The following RAD51B variants were observed in gnomAD, a reference collection of about 807,000 sequenced individuals.
RAD51B encodes the protein DNA repair protein RAD51 homolog 2.
A neutral mutation model predicts 42.2 loss-of-function variants in RAD51B; 38 were observed. That is an observed-to-expected ratio of 0.90 (90% CI 0.70 to 1.18). The LOEUF (loss-of-function observed/expected upper bound fraction) is 1.18. Among genes scored for constraint, RAD51B ranks in the 50% most tolerant of loss-of-function variants. The probability of loss-of-function intolerance (pLI) is 0.00; values close to 1 mark genes in which losing one functional copy is unlikely to be tolerated. For missense variants in RAD51B, 373 were observed against 400.7 expected, an observed-to-expected ratio of 0.93 and a Z score of 0.59; for synonymous variants, 154 against 145.2, an observed-to-expected ratio of 1.06 and a Z score of -0.43.
chr14:68,318,379 A>G (rs1337154797), intron 8 of RAD51B, among the ~76,000 whole-genome samples: 2 of 152,202 alleles, frequency 1.3e-5, no homozygotes, highest in Non-Finnish European at 2.9e-5. Context: ...GGAAATGAAT[A>G]GGAGGTCTGA....
At chr14:68,561,290 T>C (rs1260075343) in intron 10 of RAD51B, among the ~76,000 whole-genome samples, 1 of 152,204 alleles carries the variant, frequency 6.6e-6, no homozygotes, top group Non-Finnish European at 1.5e-5. Flanking sequence ...GGGGGCTTAT[T>C]AAAAATATCG....
chr14:68,608,367 A>C (rs1310751072), intron 10 of RAD51B, among the ~76,000 whole-genome samples: 1 of 151,958 alleles, frequency 6.6e-6, no homozygotes, highest in Non-Finnish European at 1.5e-5. Context: ...CCCCACCACC[A>C]CCCCGAGTCC....
intron 4 of RAD51B, among the ~76,000 whole-genome samples, chr14:67,858,452 T>C (rs1313571478): frequency 6.6e-6 from 1 of 152,222 alleles, no homozygotes; most frequent in Non-Finnish European, 1.5e-5. Context: ...CTCCCTTAAA[T>C]TCCGGCTGTC....
At chr14:68,073,866 GCT>G (rs2076792037) in intron 7 of RAD51B, among the ~76,000 whole-genome samples, 2 of 152,094 alleles carry the variant, frequency 1.3e-5, no homozygotes, top group Non-Finnish European at 2.9e-5. Context: ...TACTCTTCTG[GCT>G]TGTAGGGTTT....
chr14:68,056,558 G>A (rs1462066330), intron 7 of RAD51B, among the ~76,000 whole-genome samples: 1 of 151,754 alleles, frequency 6.6e-6, no homozygotes, highest in African/African-American at 2.4e-5. Context: ...AGACCAACCT[G>A]GGCAACACGG....
At chr14:68,089,392 G>A (rs996189117) in intron 7 of RAD51B, among the ~76,000 whole-genome samples, 2 of 152,050 alleles carry the variant, frequency 1.3e-5, no homozygotes, top group African/African-American at 2.4e-5. Context: ...GACCCAGCTC[G>A]GAGTCCTTTT....
At chr14:68,572,864 A>G (rs1594986368) in intron 10 of RAD51B, among the ~76,000 whole-genome samples, 2 of 152,178 alleles carry the variant, frequency 1.3e-5, no homozygotes, top group East Asian at 1.9e-4. Flanking sequence ...GGTACTGTAC[A>G]TGTTTTCGCT....
chr14:68,507,890 A>C (rs1351406448), intron 10 of RAD51B, among the ~76,000 whole-genome samples: 1 of 152,204 alleles, frequency 6.6e-6, no homozygotes, highest in African/African-American at 2.4e-5. Context: ...GTTGGGTTCC[A>C]TGGAGCAGAG....
At chr14:68,479,622 TAC>T (rs1450134691), downstream of RAD51B, among the ~76,000 whole-genome samples, 2 of 151,534 alleles carry the variant, frequency 1.3e-5, no homozygotes, top group African/African-American at 4.8e-5. Flanking sequence ...AGCATAAAAA[TAC>T]ACAGATTTCC....
At chr14:67,834,975 G>T (rs2140297538) in intron 3 of RAD51B, 105 bp from the exon 4 acceptor site, 2 of 763,096 alleles carry the variant, frequency 2.6e-6, no homozygotes. Context: ...GAAGGGAAAA[G>T]GATGGATTAG....
chr14:67,948,777 A>C (rs1173881721), intron 7 of RAD51B, among the ~76,000 whole-genome samples: 1 of 151,542 alleles, frequency 6.6e-6, no homozygotes, highest in Non-Finnish European at 1.5e-5. Context: ...TAAAAATACA[A>C]AAAAATTAGC....
chr14:68,389,124 A>T (rs945958642), intron 8 of RAD51B, among the ~76,000 whole-genome samples: 4 of 152,186 alleles, frequency 2.6e-5, no homozygotes, highest in Non-Finnish European at 5.9e-5. Flanking sequence ...GTAACTTTTT[A>T]AATGAAGTAT....
At chr14:67,864,594 C>T (rs2042264248) in intron 4 of RAD51B, among the ~76,000 whole-genome samples, 1 of 152,172 alleles carries the variant, frequency 6.6e-6, no homozygotes, top group African/African-American at 2.4e-5. Flanking sequence ...TTAACAAATG[C>T]TCAACCATTT....
At position 67,886,372 on chromosome 14, in the gene RAD51B, T is replaced by G. The variant is rs546165694; in HGVS notation, c.572+384T>G. ...GCTCAAGAGGTTATAGTCAAGCTGG[T>G]GGCCAGGGCTGCAGTTATCTTAAGG... On this transcript the variant is annotated intron_variant, in intron 6 of 10. Transcript: ENST00000471583. Among the ~76,000 whole-genome samples, 9 of 152,254 alleles carry G rather than the reference T, an allele frequency of 5.9e-5. No homozygotes were observed. The East Asian group carries it at 1.7e-3, about 29-fold the overall frequency.
At chr14:67,882,332 C>G (rs1386179914) in intron 5 of RAD51B, among the ~76,000 whole-genome samples, 1 of 152,174 alleles carries the variant, frequency 6.6e-6, no homozygotes, top group African/African-American at 2.4e-5. Flanking sequence ...GTCACCTCCT[C>G]CTCTCAGTCC....
intron 7 of RAD51B, among the ~76,000 whole-genome samples, chr14:68,155,629 A>G (rs1451689073): frequency 2.0e-5 from 3 of 152,198 alleles, no homozygotes; most frequent in Admixed American, 6.5e-5. Flanking sequence ...GCCTCTTCTT[A>G]TGGTTCCTAT....
intron 7 of RAD51B, among the ~76,000 whole-genome samples, chr14:68,111,949 G>A (rs1455935021): frequency 1.3e-5 from 2 of 152,000 alleles, no homozygotes; most frequent in Non-Finnish European, 2.9e-5. Context: ...CTCGTTGTTT[G>A]GCCATGTGTT....
intron 7 of RAD51B, among the ~76,000 whole-genome samples, chr14:67,977,222 T>C (rs2075012685): frequency 6.6e-6 from 1 of 152,220 alleles, no homozygotes; most frequent in Admixed American, 6.5e-5. Context: ...GCATCTTTAT[T>C]GTAGTGTGCT....
In RAD51B at chr14:68,439,139, G is replaced by A. The variant is rs576431714; in HGVS notation, c.957+27612G>A. On this transcript the variant is annotated intron_variant, in intron 9 of 10. Coordinates refer to ENST00000471583, the MANE Select transcript of RAD51B (RefSeq NM_133510.4). The stretch of plus-strand genomic sequence containing the variant: ...GATGAAGGGCAGAAGTATGAGAGAA[G>A]CCATGTATTTTTGTACACACACACA... Among the ~76,000 whole-genome samples the A allele has an allele frequency of 3.4e-5, 5 of 146,102 alleles. No homozygotes were observed. In the South Asian group the frequency reaches 1.1e-3, roughly 33 times the overall value.
Sources: gnomAD v4.1 joint callset for allele counts (sites outside exome capture counted in the v4.1 genomes callset) on GRCh38, gnomAD v4.1.1 for gene constraint, MANE v1.5 for transcripts, NCBI Gene and HGNC (gene_info 2026-07-23, HGNC 2026-07-21) for gene names.